SART3: variants seen among roughly 807,000 people sequenced by gnomAD.
The protein encoded by SART3 is HIV-1 Tat-interacting protein of 110kDa.
A neutral mutation model predicts 122.3 loss-of-function variants in SART3; 44 were observed. The ratio of observed to expected loss-of-function variants is 0.36; its 90% CI spans 0.28 to 0.46. The LOEUF (loss-of-function observed/expected upper bound fraction) is 0.46, where lower values mean the gene tolerates loss of function less well. Among genes scored for constraint, SART3 ranks in the 20% least tolerant of loss-of-function variants. The pLI is 1.00. For synonymous variants in SART3, 442 were observed against 454.0 expected, an observed-to-expected ratio of 0.97 and a Z score of 0.34; for missense variants, 1,101 against 1,229.0, an observed-to-expected ratio of 0.90 and a Z score of 1.56.
rs147106663 is a variant in SART3 at position 108,531,847 on chromosome 12, C to T, written c.1669+375G>A. On this transcript the variant is annotated intron_variant, in intron 13 of 18. Coordinates refer to ENST00000546815, the MANE Select transcript of SART3 (RefSeq NM_014706.4). Reference sequence around the variant, plus strand: ...GTGACTCTCAAAGGAGGGATCCTGCCCATCAAGAGACATTTGGCAATGTTA... The same window carrying T: ...GTGACTCTCAAAGGAGGGATCCTGCTCATCAAGAGACATTTGGCAATGTTA... 2.1e-5 allele frequency: 7 copies of T among 332,698 alleles called. No individual in the cohort carries two copies. The East Asian group carries it at 5.4e-4, about 26-fold the overall frequency. 20.6% of individuals were successfully genotyped at this position (332,698 alleles called of 1,614,324 possible).
intron 6 of SART3, among the ~76,000 whole-genome samples, chr12:108,539,488 G>A (rs1873063881): frequency 6.6e-6 from 1 of 152,206 alleles, no homozygotes; most frequent in African/African-American, 2.4e-5. Context: ...AAATTTTGGT[G>A]CCTGATGCTA....
chr12:108,524,267 G>A (rs1225236404), intron 18 of SART3, 49 bp downstream of exon 18: 1 of 1,484,926 alleles, frequency 6.7e-7, no homozygotes, highest in Non-Finnish European at 9.4e-7. Flanking sequence ...TCCATGAACT[G>A]GTGCCAGCCA....
At chr12:108,524,559 AC>A (rs1872278256) in intron 17 of SART3, 53 bp from the exon 18 acceptor site, 6 of 1,551,630 alleles carry the variant, frequency 3.9e-6, no homozygotes, top group Non-Finnish European at 5.3e-6. Context: ...TAGGGACGCA[AC>A]CTCCTCCTGC....
intron 6 of SART3, 48 bp from the exon 7 acceptor site, chr12:108,539,137 C>T: frequency 6.2e-7 from 1 of 1,607,596 alleles, no homozygotes; most frequent in South Asian, 1.1e-5. Context: ...GCAGGAAGCA[C>T]AACACATCTG....
At chr12:108,548,876 A>T (rs1270502279) in intron 2 of SART3, among the ~76,000 whole-genome samples, 4 of 152,264 alleles carry the variant, frequency 2.6e-5, no homozygotes, top group Admixed American at 2.6e-4. Flanking sequence ...AGAATAAAGA[A>T]ATCAGAATTC....
Position 108,526,451 on chromosome 12 carries a change from A to G in SART3, c.2018T>C (p.Val673Ala), listed in dbSNP as rs374066826. The G allele has an allele frequency of 1.2e-5, 20 of 1,614,064 alleles. No individual in the cohort carries two copies. Among genetic ancestry groups the G allele is most frequent in the Admixed American group, 1.0e-4 (6 of 60,006 alleles). The change falls in exon 16 of 19, where the codon GTA (valine) becomes GCA (alanine). Residue 673 changes from valine (V) to alanine (A), a missense_variant. This residue lies in a region of SART3 where 885 missense variants were observed against 1,080.1 expected (regional missense o/e 0.82). Coordinates refer to ENST00000546815, the MANE Select transcript of SART3 (RefSeq NM_014706.4). ...CTGCTTCGAAGGGGGCTCCACATCT[A>G]CGGCAGCACATTTCCCAGCGGGCCC... The part of the protein sequence containing the change: ...AAGPAGKCAA[V>A]DVEPPSKQKE...
Position 108,538,136 on chromosome 12 carries a change from CA to C in SART3, c.1129del (p.Trp377GlyfsTer22). On this transcript the variant is annotated frameshift_variant, in exon 8 of 19. Coordinates refer to ENST00000546815, the MANE Select transcript of SART3 (RefSeq NM_014706.4). LOFTEE classifies it high-confidence loss of function. ...VHNRAIRNCP[W>X]TVALWSRYLL... is the part of the protein sequence containing the mutation. ...GTACCGACTCCATAAGGCAACTGTC[CA>C]GGGGCAGTTTCTAATAGCGCGGTTA... 1 of 1,614,186 alleles carries C rather than the reference CA, an allele frequency of 6.2e-7. No individual in the cohort carries two copies. Among genetic ancestry groups the C allele is most frequent in the Non-Finnish European group, 8.5e-7 (1 of 1,180,022 alleles).
Position 108,523,612 on chromosome 12 carries a change from G to A in SART3, c.2737C>T (p.Leu913=), listed in dbSNP as rs1872232590. 1 of 1,614,108 alleles carries A rather than the reference G, an allele frequency of 6.2e-7. No homozygotes were observed. The highest frequency in any genetic ancestry group is 8.5e-7 in the Non-Finnish European group (1 of 1,180,002). ...TGCAGGGCACGAGGCAGTAGAGACA[G>A]CTGCGTCCTTCCCTTCCCCCTCCTA... The part of the protein sequence containing the change: ...YGARGKGRTQ[L]SLLPRALQRP... Residue 913 remains leucine, a synonymous_variant, in exon 19 of 19, where the codon CTG becomes TTG. Coordinates refer to ENST00000546815, the MANE Select transcript of SART3 (RefSeq NM_014706.4).
rs746131168 is a variant in SART3 at position 108,530,265 on chromosome 12, C to A, written c.1792G>T (p.Ala598Ser). The A allele has an allele frequency of 6.2e-7, 1 of 1,614,098 alleles. No homozygotes were observed. Among genetic ancestry groups the A allele is most frequent in the South Asian group, 1.1e-5 (1 of 91,076 alleles). ...AALVQQEEEK[A>S]EQRKRARAEK... ...GCCCGAGCTCTTTTCCGTTGTTCAG[C>A]CTTTTCTTCTTCTTGCTGCACAAGG... Residue 598 changes from alanine (A) to serine (S), a missense_variant, in exon 15 of 19, where the codon GCT (alanine) becomes TCT (serine). Coordinates refer to ENST00000546815, the MANE Select transcript of SART3 (RefSeq NM_014706.4).
Position 108,543,064 on chromosome 12 carries a change from C to T in SART3, c.870G>A (p.Gln290=). The T allele has an allele frequency of 6.2e-7, 1 of 1,614,222 alleles. No homozygotes were observed. The highest frequency in any genetic ancestry group is 8.5e-7 in the Non-Finnish European group (1 of 1,180,034). The change falls in exon 6 of 19, where the codon CAG becomes CAA. Residue 290 remains glutamine, a synonymous_variant. Coordinates refer to ENST00000546815, the MANE Select transcript of SART3 (RefSeq NM_014706.4). ...CATAGGGTTTATATTTCTCCAGCTG[C>T]TGTAGTGCTTTGTTATAGTTCTGAA... The part of the protein sequence containing the change: ...SVIQNYNKAL[Q]QLEKYKPYEE...
chr12:108,529,303 GCA>G (rs140994738), intron 15 of SART3, among the ~76,000 whole-genome samples: 8 of 150,792 alleles, frequency 5.3e-5, no homozygotes, highest in East Asian at 3.9e-4. Flanking sequence ...ACACGCACAC[GCA>G]CACACACACA....
intron 6 of SART3, 38 bp downstream of exon 6, chr12:108,542,990 G>C (rs149774823): frequency 3.0e-5 from 48 of 1,613,782 alleles, no homozygotes; most frequent in Non-Finnish European, 3.9e-5. Context: ...GGAAAGGTTT[G>C]TAGAGAGACG....
intron 4 of SART3, 79 bp from the exon 5 acceptor site, chr12:108,544,557 T>C (rs1319943732): frequency 2.5e-6 from 4 of 1,592,356 alleles, no homozygotes; most frequent in African/African-American, 1.3e-5. Flanking sequence ...TAGTAGTAAA[T>C]GACAAACTGT....
intron 18 of SART3, 109 bp from the exon 19 acceptor site, chr12:108,523,743 G>GGA (rs1555203972): frequency 1.4e-4 from 99 of 711,960 alleles, no homozygotes; most frequent in Middle Eastern, 5.7e-4. Flanking sequence ...GTTAAAAGGT[G>GGA]AAAAAAAAAA....
chr12:108,547,278 G>A (rs114795254), intron 3 of SART3, among the ~76,000 whole-genome samples: 2,156 of 152,322 alleles, frequency 0.014, 59 homozygotes, highest in African/African-American at 0.049. Flanking sequence ...CTGGTAAGAT[G>A]TCAATACCAG....
intron 1 of SART3, among the ~76,000 whole-genome samples, chr12:108,556,905 C>T (rs1325913722): frequency 6.6e-6 from 1 of 152,184 alleles, no homozygotes; most frequent in South Asian, 2.1e-4. Context: ...GTCAGTGTCA[C>T]GAATATCTAT....
intron 1 of SART3, among the ~76,000 whole-genome samples, chr12:108,552,145 G>C (rs6539438): frequency 0.79 from 119,867 of 151,988 alleles, 47,829 homozygotes; most frequent in East Asian, 0.92. Context: ...ATCCAACAAC[G>C]ATTCATGGTT....
rs545515810 is a variant in SART3, at chr12:108,543,388, C to T, written c.782-236G>A. Among the ~76,000 whole-genome samples the T allele has an allele frequency of 3.3e-5, 5 of 152,292 alleles. No homozygotes were observed. The East Asian group carries it at 5.8e-4, about 18-fold the overall frequency. ...AATCAGTCAATGACACTAGTGGCAA[C>T]GATTTAACAACACTTACCCAGTGTT... On this transcript the variant is annotated intron_variant, in intron 5 of 18. Coordinates refer to ENST00000546815, the MANE Select transcript of SART3 (RefSeq NM_014706.4).
At chr12:108,544,690 T>C in intron 4 of SART3, 1 of 687,842 alleles carries the variant, frequency 1.5e-6, no homozygotes, top group South Asian at 1.7e-5. Context: ...CTCAGAGTCC[T>C]GAGTAGCTAG....
Sources: gnomAD v4.1 joint callset for allele counts (sites outside exome capture counted in the v4.1 genomes callset) on GRCh38, gnomAD v4.1.1 for gene constraint, gnomAD v4.1.1 regional missense constraint, MANE v1.5 for transcripts, NCBI Gene and HGNC (gene_info 2026-07-23, HGNC 2026-07-21) for gene names.